Variants in ZNF106 observed in about 807,000 individuals in gnomAD.
ZNF106 encodes SH3-domain binding protein 3.
ZNF106 carries 67 observed loss-of-function variants against 195.1 expected under a neutral mutation model. That is an observed-to-expected ratio of 0.34 (90% CI 0.28 to 0.42). ZNF106 has a LOEUF of 0.42. ZNF106 is among the 10% of genes least tolerant of loss of function. The probability of loss-of-function intolerance (pLI) is 1.00; values close to 1 mark genes in which losing one functional copy is unlikely to be tolerated. For synonymous variants in ZNF106, 784 were observed against 818.6 expected (o/e 0.96, Z 0.72); for missense variants, 2,118 against 2,304.5 (o/e 0.92, Z 1.66).
chr15:42,449,787 C>A lies in ZNF106; in HGVS notation c.2485G>T (p.Gly829Cys). 6.2e-7 allele frequency: 1 copy of A among 1,613,720 alleles called. No homozygotes were observed. Residue 829 changes from glycine to cysteine, a missense_variant, in exon 5 of 22, where the codon GGC becomes TGC. Coordinates refer to ENST00000564754, the MANE Select transcript of ZNF106 (RefSeq NM_001366845.3). Reference protein sequence around the residue: ...QQVTKKKQELGKGLPRFGIEM... With the variant: ...QQVTKKKQELCKGLPRFGIEM... ...AGCACACACCTGGGTAAGCCTTTGCCCAGCTCTTGCTTTTTCTTGGTTACT... is the reference window on the plus strand; with the variant it reads ...AGCACACACCTGGGTAAGCCTTTGCACAGCTCTTGCTTTTTCTTGGTTACT...
At chr15:42,423,329 T>C (rs777953531) in intron 17 of ZNF106, among the ~76,000 whole-genome samples, 60 of 150,518 alleles carry the variant, frequency 4.0e-4, no homozygotes, top group Non-Finnish European at 5.9e-4. Flanking sequence ...AAGATCGCAC[T>C]ACTGCACTCC....
At chr15:42,464,339 C>CAA (rs113858923) in intron 3 of ZNF106, among the ~76,000 whole-genome samples, 367 of 115,764 alleles carry the variant, frequency 3.2e-3, no homozygotes, top group African/African-American at 5.0e-3. Context: ...GACTCCGTCT[C>CAA]AAAAAAAAAA....
At chr15:42,456,686 A>G (rs2056237194) in intron 4 of ZNF106, among the ~76,000 whole-genome samples, 1 of 152,142 alleles carries the variant, frequency 6.6e-6, no homozygotes, top group South Asian at 2.1e-4. Flanking sequence ...GGATACCAAT[A>G]AAGCCATTCT....
Position 42,472,274 on chromosome 15 carries a change from T to G in ZNF106, c.16A>C (p.Lys6Gln). 1 of 1,535,986 alleles carries G rather than the reference T, an allele frequency of 6.5e-7. No homozygotes were observed. The highest frequency in any genetic ancestry group is 8.7e-7 in the Non-Finnish European group (1 of 1,146,826). ...TACACGATGTGGCATAATATGCATTTTCGTTCTCGTACCATAGTGACCAGA... is the reference window on the plus strand; with the variant it reads ...TACACGATGTGGCATAATATGCATTGTCGTTCTCGTACCATAGTGACCAGA... MVRER[K>Q]CILCHIVYSS... Residue 6 changes from lysine (K) to glutamine (Q), a missense_variant, in exon 2 of 22, where the codon AAA (lysine) becomes CAA (glutamine). By Grantham distance (53) the Lys-to-Gln change is moderately conservative. Coordinates refer to ENST00000564754, the MANE Select transcript of ZNF106 (RefSeq NM_001366845.3).
chr15:42,425,094 C>G (rs894675910), intron 15 of ZNF106, 69 bp from the exon 16 acceptor site: 3 of 1,476,116 alleles, frequency 2.0e-6, no homozygotes, highest in Non-Finnish European at 9.4e-7. Context: ...AACATCATTA[C>G]CTTGGTACAA....
intron 11 of ZNF106, 37 bp from the exon 12 acceptor site, chr15:42,438,704 G>A (rs1395688721): frequency 1.2e-6 from 2 of 1,600,312 alleles, no homozygotes; most frequent in African/African-American, 2.7e-5. Flanking sequence ...CAGCATCTGT[G>A]TGAACAGGGC....
intron 1 of ZNF106, among the ~76,000 whole-genome samples, chr15:42,476,868 A>G (rs942476936): frequency 6.6e-6 from 1 of 152,166 alleles, no homozygotes; most frequent in Admixed American, 6.5e-5. Context: ...CTTAATAATA[A>G]TATCTTTTCT....
At chr15:42,465,063 A>T (rs888695860) in intron 3 of ZNF106, among the ~76,000 whole-genome samples, 4 of 152,188 alleles carry the variant, frequency 2.6e-5, no homozygotes. Context: ...TGTCTTTATT[A>T]GCAGCGTGAG....
intron 12 of ZNF106, among the ~76,000 whole-genome samples, chr15:42,437,813 CA>C (rs2055340456): frequency 6.9e-6 from 1 of 145,960 alleles, no homozygotes; most frequent in Admixed American, 7.1e-5. Context: ...GAGGCTGAGG[CA>C]AGAGAATCAC....
intron 13 of ZNF106, among the ~76,000 whole-genome samples, chr15:42,436,559 G>T (rs749742841): frequency 2.6e-5 from 4 of 152,064 alleles, no homozygotes; most frequent in Admixed American, 2.0e-4. Flanking sequence ...TATTCATTCA[G>T]ACATCATGTT....
chr15:42,478,085 A>T (rs1239125151), intron 1 of ZNF106, among the ~76,000 whole-genome samples: 1 of 150,726 alleles, frequency 6.6e-6, no homozygotes, highest in African/African-American at 2.4e-5. Flanking sequence ...ACCTGAAACT[A>T]CGTCTCAAAA....
chr15:42,456,019 T>C (rs2056214744), intron 4 of ZNF106, among the ~76,000 whole-genome samples: 1 of 152,226 alleles, frequency 6.6e-6, no homozygotes. Flanking sequence ...TATGAAATTA[T>C]GCAGTACAAA....
chr15:42,448,659 A>G lies in ZNF106; in HGVS notation c.2548T>C (p.Leu850=), dbSNP rs765496239. 1 of 1,612,088 alleles carries G rather than the reference A, an allele frequency of 6.2e-7. No homozygotes were observed. The highest frequency in any genetic ancestry group is 1.1e-5 in the South Asian group (1 of 90,970). Residue 850 remains leucine, a synonymous_variant, in exon 6 of 22, where the codon TTA becomes CTA. Coordinates refer to ENST00000564754, the MANE Select transcript of ZNF106 (RefSeq NM_001366845.3). ...VPLVQNEQEA[L]DLDGEPDLSS... is the part of the protein sequence containing the mutation. Reference sequence around the variant, plus strand: ...AGATCAGGTTCCCCATCCAAATCTAAGGCTTCTTGTTCATTTTGAACAAGG... The same window carrying G: ...AGATCAGGTTCCCCATCCAAATCTAGGGCTTCTTGTTCATTTTGAACAAGG...
chr15:42,482,877 C>T (rs1291905851), intron 1 of ZNF106, among the ~76,000 whole-genome samples: 1 of 152,056 alleles, frequency 6.6e-6, no homozygotes, highest in Non-Finnish European at 1.5e-5. Flanking sequence ...GAGTCTGCTC[C>T]ACATATGCAT....
At chr15:42,432,156 T>C (rs1180625059) in intron 14 of ZNF106, among the ~76,000 whole-genome samples, 1 of 152,106 alleles carries the variant, frequency 6.6e-6, no homozygotes, top group Admixed American at 6.6e-5. Flanking sequence ...GTAGTATTCC[T>C]TGTCTTTTTC....
At position 42,489,549 on chromosome 15, in the gene ZNF106, T is replaced by C. The variant is rs922290393; in HGVS notation, c.-33+1431A>G. On this transcript the variant is annotated intron_variant, in intron 1 of 21. Coordinates refer to ENST00000564754, the MANE Select transcript of ZNF106 (RefSeq NM_001366845.3). ...TAATTAAAGGGCTCCTACTATCTTC[T>C]AGACTCAAGAGTTAACTCTAGGCAT... is the stretch of plus-strand genomic sequence containing the variant. 9.2e-5 allele frequency among the ~76,000 whole-genome samples: 14 copies of C among 152,324 alleles called. No individual in the cohort carries two copies. The East Asian group carries it at 1.7e-3, about 19-fold the overall frequency.
At chr15:42,430,505 G>A (rs937933632) in intron 14 of ZNF106, among the ~76,000 whole-genome samples, 10 of 151,210 alleles carry the variant, frequency 6.6e-5, no homozygotes, top group African/African-American at 2.4e-4. Context: ...TCAGCCTCCC[G>A]AGTAGCTGGA....
Position 42,442,219 on chromosome 15 carries a change from G to A in ZNF106, c.3617C>T (p.Thr1206Ile). The A allele has an allele frequency of 6.2e-7, 1 of 1,614,190 alleles. No homozygotes were observed. The highest frequency in any genetic ancestry group is 1.1e-5 in the South Asian group (1 of 91,080). The change falls in exon 10 of 22, where the codon ACT (threonine) becomes ATT (isoleucine). Residue 1206 changes from threonine to isoleucine, a missense_variant. Thr to Ile is a moderately conservative substitution (Grantham distance 89). Transcript: ENST00000564754. ...GASLQITTSP[T>I]FQTHGSVPAP... ...AGGGACACTGCCATGGGTTTGGAAA[G>A]TAGGAGACGTGGTTATTTGAAGAGA...
rs781658497 is a variant in ZNF106, at chr15:42,444,222, T to C, written c.3401A>G (p.Gln1134Arg). The C allele has an allele frequency of 6.2e-7, 1 of 1,610,702 alleles. No homozygotes were observed. Among genetic ancestry groups the C allele is most frequent in the South Asian group, 1.1e-5 (1 of 90,918 alleles). ...AATACCTTGTAATCCCTGTAGAATC[T>C]GTATTCTATGGGTCCTCAGTGCACT... The part of the protein sequence containing the change: ...EMSALRTHRI[Q>R]ILQGLQETYE... The change falls in exon 9 of 22, where the codon CAG (glutamine) becomes CGG (arginine). Residue 1134 changes from glutamine (Q) to arginine (R), a missense_variant. By Grantham distance (43) the Gln-to-Arg change is conservative (BLOSUM62 1). Transcript: ENST00000564754.
Sources: gnomAD v4.1 joint callset for allele counts (sites outside exome capture counted in the v4.1 genomes callset) on GRCh38, gnomAD v4.1.1 for gene constraint, MANE v1.5 for transcripts, NCBI Gene and HGNC (gene_info 2026-07-23, HGNC 2026-07-21) for gene names.